Variants in ADAMTSL1 observed in about 807,000 individuals in gnomAD.
ADAMTSL1 encodes ADAMTS like 1.
ADAMTSL1 carries 126 observed loss-of-function variants against 201.8 expected under a neutral mutation model. The observed-to-expected ratio is 0.62, with a 90% CI of 0.54 to 0.72. ADAMTSL1 has a LOEUF of 0.72. ADAMTSL1 is among the 30% of genes least tolerant of loss of function. The pLI, the probability that ADAMTSL1 is intolerant of heterozygous loss-of-function variation, is 0.00. For synonymous variants in ADAMTSL1, 1,121 were observed against 903.4 expected (o/e 1.24, Z -4.32); for missense variants, 2,679 against 2,277.8 (o/e 1.18, Z -3.59).
At chr9:17,990,170 A>G (rs1048308335) in intron 1 of ADAMTSL1, among the ~76,000 whole-genome samples, 9 of 152,042 alleles carry the variant, frequency 5.9e-5, no homozygotes, top group African/African-American at 1.9e-4. Context: ...AAGGGAAGCC[A>G]TCTTGTAGGT....
chr9:18,239,466 C>T (rs1422654958), intron 2 of ADAMTSL1, among the ~76,000 whole-genome samples: 1 of 152,148 alleles, frequency 6.6e-6, no homozygotes, highest in Admixed American at 6.5e-5. Flanking sequence ...TGGCTGGGCA[C>T]CATGGCTCAC....
intron 1 of ADAMTSL1, among the ~76,000 whole-genome samples, chr9:18,099,355 A>ATATATATATATATATATTTTTT (rs1239180390): frequency 6.6e-5 from 3 of 45,540 alleles, no homozygotes; most frequent in African/African-American, 2.4e-4. Flanking sequence ...ATATATATAT[A>ATATATATATATATATATTTTTT]TTTTTTTTTT....
At chr9:17,955,669 G>A (rs1827901106) in intron 1 of ADAMTSL1, among the ~76,000 whole-genome samples, 1 of 152,286 alleles carries the variant, frequency 6.6e-6, no homozygotes, top group South Asian at 2.1e-4. Context: ...CACTGTAGAT[G>A]TTATCTGCAT....
intron 13 of ADAMTSL1, 27 bp from the exon 14 acceptor site, chr9:18,706,720 G>C (rs755985720): frequency 3.3e-5 from 52 of 1,562,932 alleles, no homozygotes; most frequent in Non-Finnish European, 4.2e-5. Flanking sequence ...TTCTCATCCT[G>C]TCCTCTTGTT....
At chr9:18,822,509 T>A (rs1824272209) in intron 21 of ADAMTSL1, among the ~76,000 whole-genome samples, 1 of 152,180 alleles carries the variant, frequency 6.6e-6, no homozygotes, top group African/African-American at 2.4e-5. Flanking sequence ...ATGGGGACTG[T>A]TGGCATTAAA....
intron 23 of ADAMTSL1, among the ~76,000 whole-genome samples, chr9:18,870,236 C>G (rs569133149): frequency 6.6e-5 from 10 of 152,294 alleles, no homozygotes; most frequent in African/African-American, 2.4e-4. Flanking sequence ...GTTGACAGCT[C>G]TTTTGCTGAA....
chr9:18,685,342 T>C (rs1289668011), intron 13 of ADAMTSL1, among the ~76,000 whole-genome samples: 2 of 152,208 alleles, frequency 1.3e-5, no homozygotes, highest in Non-Finnish European at 2.9e-5. Flanking sequence ...ATGGAATCTG[T>C]AAAACCGTGA....
chr9:17,931,202 C>T (rs1826769673), intron 1 of ADAMTSL1, among the ~76,000 whole-genome samples: 1 of 152,164 alleles, frequency 6.6e-6, no homozygotes, highest in Non-Finnish European at 1.5e-5. Context: ...CTTACCTGGC[C>T]ATCCTTCAGA....
intron 1 of ADAMTSL1, among the ~76,000 whole-genome samples, chr9:18,476,358 A>G (rs1008036693): frequency 2.0e-5 from 3 of 152,162 alleles, no homozygotes; most frequent in African/African-American, 7.2e-5. Flanking sequence ...AGAATAGAAC[A>G]TGTTTGCTTC....
At chr9:18,000,110 G>A (rs1273983517) in intron 1 of ADAMTSL1, among the ~76,000 whole-genome samples, 3 of 150,660 alleles carry the variant, frequency 2.0e-5, no homozygotes, top group Non-Finnish European at 4.4e-5. Context: ...AGTCATATGG[G>A]TATATACCCA....
intron 2 of ADAMTSL1, among the ~76,000 whole-genome samples, chr9:18,382,394 T>C (rs975219501): frequency 6.6e-6 from 1 of 152,156 alleles, no homozygotes; most frequent in African/African-American, 2.4e-5. Flanking sequence ...GAAATTTTAA[T>C]TTTTCCAGAA....
At chr9:18,031,818 G>C (rs192827429) in intron 1 of ADAMTSL1, among the ~76,000 whole-genome samples, 75 of 152,312 alleles carry the variant, frequency 4.9e-4, no homozygotes, top group African/African-American at 1.8e-3. Flanking sequence ...CCAGGAACCT[G>C]CTGGTCCTCT....
intron 2 of ADAMTSL1, among the ~76,000 whole-genome samples, chr9:18,210,433 A>T (rs1718501621): frequency 7.3e-6 from 1 of 136,744 alleles, no homozygotes; most frequent in Non-Finnish European, 1.7e-5. Context: ...TAATAAATAT[A>T]TTATGTATGA....
At position 18,352,040 on chromosome 9, in the gene ADAMTSL1, T is replaced by C. The variant is rs369034437; in HGVS notation, c.208-152789T>C. Among the ~76,000 whole-genome samples, 12 of 152,268 alleles carry C rather than the reference T, an allele frequency of 7.9e-5. No homozygotes were observed. The East Asian group carries it at 9.6e-4, about 12-fold the overall frequency. On this transcript the variant is annotated intron_variant, in intron 2 of 29. Coordinates refer to the ADAMTSL1 transcript ENST00000680146. ...ATGGGATTTCTTGTCCTAGTAGCTATGTAGTGGCTAGGGTTTAACAAACTT... is the reference window on the plus strand; with the variant it reads ...ATGGGATTTCTTGTCCTAGTAGCTACGTAGTGGCTAGGGTTTAACAAACTT...
At chr9:18,099,351 ATATAT>A (rs1173990799) in intron 1 of ADAMTSL1, among the ~76,000 whole-genome samples, 35 of 52,622 alleles carry the variant, frequency 6.7e-4, no homozygotes, top group African/African-American at 1.9e-3. Flanking sequence ...ATATATATAT[ATATAT>A]TTTTTTTTTT....
At chr9:18,879,011 C>A (rs1399216532) in intron 23 of ADAMTSL1, among the ~76,000 whole-genome samples, 1 of 152,190 alleles carries the variant, frequency 6.6e-6, no homozygotes, top group Non-Finnish European at 1.5e-5. Flanking sequence ...ACCAGCTGCA[C>A]TGCCAGGTTG....
intron 2 of ADAMTSL1, among the ~76,000 whole-genome samples, chr9:18,351,469 C>T (rs1452748865): frequency 6.6e-6 from 1 of 151,304 alleles, no homozygotes; most frequent in Non-Finnish European, 1.5e-5. Context: ...GTGTTTAATT[C>T]TGAGAGTATT....
intron 26 of ADAMTSL1, among the ~76,000 whole-genome samples, chr9:18,893,842 A>G (rs1222274415): frequency 1.3e-5 from 2 of 152,238 alleles, no homozygotes; most frequent in African/African-American, 4.8e-5. Flanking sequence ...CATGAAGTCT[A>G]TGAAAACCAT....
At chr9:18,077,073 A>G (rs1215366844) in intron 1 of ADAMTSL1, among the ~76,000 whole-genome samples, 1 of 152,180 alleles carries the variant, frequency 6.6e-6, no homozygotes, top group Non-Finnish European at 1.5e-5. Flanking sequence ...GTGAAAGAGA[A>G]GCAGTCTGGG....
Sources: gnomAD v4.1 joint callset for allele counts (sites outside exome capture counted in the v4.1 genomes callset) on GRCh38, gnomAD v4.1.1 for gene constraint, MANE v1.5 for transcripts, NCBI Gene and HGNC (gene_info 2026-07-23, HGNC 2026-07-21) for gene names.